Variants in LNX1 observed in about 807,000 individuals in gnomAD.
LNX1 encodes the protein E3 ubiquitin-protein ligase LNX.
LNX1 carries 54 observed loss-of-function variants against 68.4 expected under a neutral mutation model. That is an observed-to-expected ratio of 0.79 (90% confidence interval 0.63 to 0.99). The LOEUF (loss-of-function observed/expected upper bound fraction) is 0.99. Among genes scored for constraint, LNX1 ranks in the 50% least tolerant of loss-of-function variants. LNX1 has a pLI of 0.00. For missense variants in LNX1, 906 were observed against 926.4 expected (o/e 0.98, Z 0.29); for synonymous variants, 336 against 350.0 (o/e 0.96, Z 0.45).
chr4:53,515,725 A>C (rs972586013), intron 2 of LNX1, among the ~76,000 whole-genome samples: 2 of 152,164 alleles, frequency 1.3e-5, no homozygotes, highest in Admixed American at 6.5e-5. Flanking sequence ...TACATTTTTC[A>C]ATAAACACTC....
chr4:53,548,795 C>G (rs933535088), intron 2 of LNX1, among the ~76,000 whole-genome samples: 3 of 152,156 alleles, frequency 2.0e-5, no homozygotes, highest in African/African-American at 7.2e-5. Flanking sequence ...CAATGACAGT[C>G]TGGGTAATGA....
intron 2 of LNX1, among the ~76,000 whole-genome samples, chr4:53,571,273 G>A (rs868013008): frequency 2.6e-5 from 4 of 151,942 alleles, no homozygotes; most frequent in Non-Finnish European, 5.9e-5. Context: ...GCCTGCCTCC[G>A]CCTCCCAAGT....
At chr4:53,511,524 C>G (rs1638559486) in intron 2 of LNX1, among the ~76,000 whole-genome samples, 2 of 152,168 alleles carry the variant, frequency 1.3e-5, no homozygotes, top group Non-Finnish European at 2.9e-5. Flanking sequence ...AACCAAAGCA[C>G]AAGCTTTGGA....
intron 2 of LNX1, among the ~76,000 whole-genome samples, chr4:53,565,293 G>A (rs1730585356): frequency 6.6e-6 from 1 of 152,066 alleles, no homozygotes; most frequent in African/African-American, 2.4e-5. Flanking sequence ...GTACGCAGCT[G>A]GAGATCTGAG....
intron 2 of LNX1, among the ~76,000 whole-genome samples, chr4:53,527,323 C>A (rs1727690438): frequency 6.6e-6 from 1 of 152,130 alleles, no homozygotes; most frequent in Non-Finnish European, 1.5e-5. Context: ...AACTGACTTT[C>A]TTCTATTTTA....
intron 9 of LNX1, among the ~76,000 whole-genome samples, chr4:53,468,374 G>C (rs1722869358): frequency 6.6e-6 from 1 of 152,200 alleles, no homozygotes; most frequent in African/African-American, 2.4e-5. Context: ...ACCGTTACCA[G>C]CTACTGCAAA....
intron 1 of LNX1, among the ~76,000 whole-genome samples, chr4:53,650,291 G>A (rs1560707821): frequency 6.6e-6 from 1 of 152,166 alleles, no homozygotes; most frequent in East Asian, 1.9e-4. Flanking sequence ...GAGGACATAC[G>A]GTAGCTCCAG....
intron 1 of LNX1, among the ~76,000 whole-genome samples, chr4:53,590,146 C>G (rs184704982): frequency 6.6e-6 from 1 of 152,076 alleles, no homozygotes; most frequent in African/African-American, 2.4e-5. Context: ...ACAATAGGGA[C>G]CTCCAAACAG....
At chr4:53,637,738 C>A (rs536975508) in intron 1 of LNX1, among the ~76,000 whole-genome samples, 1 of 152,188 alleles carries the variant, frequency 6.6e-6, no homozygotes, top group African/African-American at 2.4e-5. Context: ...CAGCCAGTTT[C>A]TGAGATATTA....
At chr4:53,587,943 C>T (rs1359371604) in intron 1 of LNX1, among the ~76,000 whole-genome samples, 1 of 152,184 alleles carries the variant, frequency 6.6e-6, no homozygotes, top group Non-Finnish European at 1.5e-5. Flanking sequence ...TCCTCCTCTG[C>T]CTTTGGGAGC....
At chr4:53,534,913 T>A (rs1368652768) in intron 2 of LNX1, among the ~76,000 whole-genome samples, 1 of 152,184 alleles carries the variant, frequency 6.6e-6, no homozygotes, top group African/African-American at 2.4e-5. Context: ...TAAAAATCGT[T>A]GAGTGAGGAC....
chr4:53,569,065 A>G (rs1470939966), intron 2 of LNX1, among the ~76,000 whole-genome samples: 1 of 151,430 alleles, frequency 6.6e-6, no homozygotes, highest in Non-Finnish European at 1.5e-5. Context: ...AAGAATCAAT[A>G]TCGTGAAAAT....
At chr4:53,529,212 G>A (rs1727851408) in intron 2 of LNX1, among the ~76,000 whole-genome samples, 1 of 151,796 alleles carries the variant, frequency 6.6e-6, no homozygotes, top group South Asian at 2.1e-4. Context: ...CACAATCTAG[G>A]AGATAAGGGC....
intron 2 of LNX1, among the ~76,000 whole-genome samples, chr4:53,606,357 C>T (rs1281881081): frequency 6.6e-6 from 1 of 152,070 alleles, no homozygotes; most frequent in Non-Finnish European, 1.5e-5. Context: ...TCCCTGGAAA[C>T]ATACAACCTC....
chr4:53,575,703 AAGC>A, intron 1 of LNX1: 1 of 1,393,880 alleles, frequency 7.2e-7, no homozygotes, highest in Non-Finnish European at 9.4e-7. Flanking sequence ...ATCAAGGAGG[AAGC>A]AGCAGCAGTG....
chr4:53,516,611 G>T (rs1726807447), intron 2 of LNX1, among the ~76,000 whole-genome samples: 1 of 152,186 alleles, frequency 6.6e-6, no homozygotes, highest in Non-Finnish European at 1.5e-5. Flanking sequence ...AAGCTCCAAG[G>T]ATGCAGGTGC....
intron 4 of LNX1, among the ~76,000 whole-genome samples, chr4:53,504,885 G>A (rs1298004272): frequency 7.9e-5 from 12 of 152,014 alleles, no homozygotes; most frequent in African/African-American, 2.7e-4. Context: ...CTCGTGGCAC[G>A]CTAAAACAAT....
intron 9 of LNX1, among the ~76,000 whole-genome samples, chr4:53,464,718 A>G (rs578206090): frequency 3.9e-5 from 6 of 152,088 alleles, no homozygotes; most frequent in Non-Finnish European, 7.4e-5. Context: ...ATTTTCTACT[A>G]CACTATTAGC....
chr4:53,480,230 G>A (rs1723824009), intron 7 of LNX1, among the ~76,000 whole-genome samples: 1 of 152,114 alleles, frequency 6.6e-6, no homozygotes, highest in Non-Finnish European at 1.5e-5. Context: ...AAGTCAGATA[G>A]AATATAAGTT....
Sources: gnomAD v4.1 joint callset for allele counts (sites outside exome capture counted in the v4.1 genomes callset) on GRCh38, gnomAD v4.1.1 for gene constraint, MANE v1.5 for transcripts, NCBI Gene and HGNC (gene_info 2026-07-23, HGNC 2026-07-21) for gene names.